GALNT14: variants seen among roughly 807,000 people sequenced by gnomAD.
GALNT14 encodes UDP-GalNAc:polypeptide N-acetylgalactosaminyltransferase 14.
Under a neutral mutation model 77.5 loss-of-function variants are expected in GALNT14, and 60 were observed. The ratio of observed to expected loss-of-function variants is 0.77; its 90% confidence interval spans 0.63 to 0.96. The LOEUF (loss-of-function observed/expected upper bound fraction) is 0.96, where lower values mean the gene tolerates loss of function less well. Among genes scored for constraint, GALNT14 ranks in the 40% least tolerant of loss-of-function variants. GALNT14 has a pLI of 0.00. For synonymous variants in GALNT14, 280 were observed against 281.7 expected (o/e 0.99, Z 0.06); for missense variants, 710 against 731.0 (o/e 0.97, Z 0.33).
At chr2:30,979,940 C>T (rs929396598) in intron 2 of GALNT14, among the ~76,000 whole-genome samples, 2 of 152,340 alleles carry the variant, frequency 1.3e-5, no homozygotes, top group African/African-American at 4.8e-5. Flanking sequence ...CCTCTGCTGG[C>T]CTTGGCTTCC....
chr2:31,065,988 AC>A, intron 1 of GALNT14, among the ~76,000 whole-genome samples: 1 of 152,160 alleles, frequency 6.6e-6, no homozygotes, highest in Middle Eastern at 3.4e-3. Context: ...TCCCCGCCCC[AC>A]CCTCTTCCTA....
intron 1 of GALNT14, among the ~76,000 whole-genome samples, chr2:31,034,979 C>T (rs1394942133): frequency 6.6e-6 from 1 of 152,136 alleles, no homozygotes; most frequent in East Asian, 1.9e-4. Flanking sequence ...GATTTCAATC[C>T]TTTTAAACGT....
chr2:30,911,097 C>T (rs771070160), intron 14 of GALNT14, 38 bp from the exon 15 acceptor site: 4 of 1,595,054 alleles, frequency 2.5e-6, no homozygotes, highest in Admixed American at 1.7e-5. Flanking sequence ...AACTAGGTGC[C>T]ATCAGTAACA....
chr2:30,989,676 A>AT (rs1170238329), intron 2 of GALNT14, among the ~76,000 whole-genome samples: 2,438 of 110,864 alleles, frequency 0.022, 68 homozygotes, highest in South Asian at 0.031. Flanking sequence ...ATTAGTATAT[A>AT]TAAAAAATAT....
intron 1 of GALNT14, among the ~76,000 whole-genome samples, chr2:31,042,880 G>A (rs1673187042): frequency 6.6e-6 from 1 of 152,098 alleles, no homozygotes; most frequent in South Asian, 2.1e-4. Flanking sequence ...CAGTTAGAAT[G>A]GTCCTTTCTA....
the GALNT14 span, among the ~76,000 whole-genome samples, chr2:30,891,689 G>C: frequency 1.3e-5 from 2 of 152,258 alleles, no homozygotes; most frequent in South Asian, 2.1e-4. Flanking sequence ...AGCCCAGTCA[G>C]TGCGGATGGG....
At chr2:31,069,540 A>C (rs1366430735) in intron 1 of GALNT14, among the ~76,000 whole-genome samples, 1 of 152,216 alleles carries the variant, frequency 6.6e-6, no homozygotes, top group Non-Finnish European at 1.5e-5. Flanking sequence ...TACTTTACCC[A>C]GGGATGGGCA....
At chr2:31,000,379 C>G (rs1670290521) in intron 1 of GALNT14, among the ~76,000 whole-genome samples, 1 of 151,092 alleles carries the variant, frequency 6.6e-6, no homozygotes. Flanking sequence ...CATTTGTTTG[C>G]AGATTCTTGT....
rs1405914410 is a variant in GALNT14, at chr2:31,029,530, A to G, written c.130-36523T>C. Among the ~76,000 whole-genome samples, 4 of 152,258 alleles carry G rather than the reference A, an allele frequency of 2.6e-5. No individual in the cohort carries two copies. The East Asian group carries it at 7.7e-4, about 29-fold the overall frequency. On this transcript the variant is annotated intron_variant, in intron 1 of 14. Coordinates refer to ENST00000349752, the MANE Select transcript of GALNT14 (RefSeq NM_024572.4). ...GCCTGCCCTGTAATCATATAGAACC[A>G]CATAACTAATGGAAGGTTAGTGGAA...
chr2:30,979,598 G>C (rs1213318101), intron 2 of GALNT14, among the ~76,000 whole-genome samples: 1 of 152,178 alleles, frequency 6.6e-6, no homozygotes, highest in Non-Finnish European at 1.5e-5. Flanking sequence ...ATGGAGATCA[G>C]GGATTCCTCT....
intron 9 of GALNT14, among the ~76,000 whole-genome samples, chr2:30,934,679 C>T (rs1418230502): frequency 6.6e-6 from 1 of 152,198 alleles, no homozygotes; most frequent in African/African-American, 2.4e-5. Context: ...GCTAGGCCAG[C>T]ACCATTGCCT....
intron 1 of GALNT14, among the ~76,000 whole-genome samples, chr2:30,993,302 T>C (rs1669830676): frequency 6.6e-6 from 1 of 152,202 alleles, no homozygotes; most frequent in Admixed American, 6.5e-5. Flanking sequence ...ATGCTGTGCA[T>C]ACCCTTATTA....
intron 1 of GALNT14, among the ~76,000 whole-genome samples, chr2:31,046,280 G>A (rs923408455): frequency 2.7e-5 from 4 of 148,800 alleles, no homozygotes; most frequent in Non-Finnish European, 3.0e-5. Flanking sequence ...AGGCTGGAGT[G>A]CAGCGGCACA....
chr2:30,925,592 T>C (rs1392870868), intron 11 of GALNT14, among the ~76,000 whole-genome samples: 1 of 152,100 alleles, frequency 6.6e-6, no homozygotes, highest in East Asian at 1.9e-4. Flanking sequence ...TGTGAAGACA[T>C]GAAAGAAGCT....
chr2:31,104,992 C>T (rs1677483846), intron 1 of GALNT14, among the ~76,000 whole-genome samples: 1 of 152,200 alleles, frequency 6.6e-6, no homozygotes, highest in South Asian at 2.1e-4. Context: ...CAGGACAGCA[C>T]CCATCAGCAA....
At chr2:30,989,163 T>C (rs542176280) in intron 2 of GALNT14, among the ~76,000 whole-genome samples, 41 of 152,258 alleles carry the variant, frequency 2.7e-4, no homozygotes, top group African/African-American at 9.9e-4. Flanking sequence ...ATATCAGCAT[T>C]GAAAGAAAGC....
intron 1 of GALNT14, among the ~76,000 whole-genome samples, chr2:31,011,471 G>A (rs1671027953): frequency 6.6e-6 from 1 of 152,102 alleles, no homozygotes; most frequent in East Asian, 1.9e-4. Context: ...ACATAGCAGA[G>A]GCATCCTTAA....
intron 2 of GALNT14, among the ~76,000 whole-genome samples, chr2:30,969,024 AG>A (rs1668184355): frequency 6.6e-6 from 1 of 152,100 alleles, no homozygotes; most frequent in Non-Finnish European, 1.5e-5. Context: ...AGGGGCTTGG[AG>A]AGGCCCAGGC....
chr2:30,892,326 T>G, the GALNT14 span, among the ~76,000 whole-genome samples: 1 of 151,902 alleles, frequency 6.6e-6, no homozygotes, highest in Non-Finnish European at 1.5e-5. Context: ...AAACACGGGA[T>G]GTAGGGTTTC....
Sources: gnomAD v4.1 joint callset for allele counts (sites outside exome capture counted in the v4.1 genomes callset) on GRCh38, gnomAD v4.1.1 for gene constraint, MANE v1.5 for transcripts, NCBI Gene and HGNC (gene_info 2026-07-23, HGNC 2026-07-21) for gene names.